Variants in TXNRD1 observed in about 807,000 individuals in gnomAD.
The protein encoded by TXNRD1 is thioredoxin reductase 1, cytoplasmic.
TXNRD1 carries 57 observed loss-of-function variants against 80.3 expected under a neutral mutation model. That is an observed-to-expected ratio of 0.71 (90% CI 0.57 to 0.89). The LOEUF is 0.89. Ranked by LOEUF, TXNRD1 falls within the 40% of genes least tolerant of loss-of-function variation. TXNRD1 has a pLI of 0.00. For synonymous variants in TXNRD1, 291 were observed against 285.2 expected, an observed-to-expected ratio of 1.02 and a Z score of -0.20; for missense variants, 730 against 803.0, an observed-to-expected ratio of 0.91 and a Z score of 1.10.
At chr12:104,346,757 T>G (rs1328639083) in intron 16 of TXNRD1, among the ~76,000 whole-genome samples, 1 of 152,182 alleles carries the variant, frequency 6.6e-6, no homozygotes, top group Non-Finnish European at 1.5e-5. Flanking sequence ...AATTAAAATG[T>G]TGCAAAATTC....
chr12:104,330,284 C>A (rs1319593145), intron 13 of TXNRD1, among the ~76,000 whole-genome samples: 1 of 152,112 alleles, frequency 6.6e-6, no homozygotes, highest in East Asian at 1.9e-4. Context: ...AGGCTTTTAC[C>A]AGATGGCATT....
intron 1 of TXNRD1, among the ~76,000 whole-genome samples, chr12:104,228,611 A>G (rs1236983669): frequency 6.6e-6 from 1 of 152,248 alleles, no homozygotes; most frequent in Non-Finnish European, 1.5e-5. Flanking sequence ...AGCCTGGGCA[A>G]CAAGAGTGAA....
intron 3 of TXNRD1, among the ~76,000 whole-genome samples, chr12:104,266,431 T>C (rs4964741): frequency 0.91 from 137,211 of 151,170 alleles, 62,484 homozygotes; most frequent in African/African-American, 0.98. Flanking sequence ...GAGGCTGAGG[T>C]AGGAGAATCG....
intron 10 of TXNRD1, among the ~76,000 whole-genome samples, chr12:104,322,107 T>G: frequency 6.6e-6 from 1 of 152,042 alleles, no homozygotes; most frequent in Non-Finnish European, 1.5e-5. Flanking sequence ...ATGACCTGAA[T>G]TCAGATAATA....
chr12:104,290,883 G>A (rs935902297), intron 4 of TXNRD1: 1 of 534,734 alleles, frequency 1.9e-6, no homozygotes, highest in Non-Finnish European at 3.3e-6. Context: ...AATGGCAATG[G>A]GAGTAAAAAG....
chr12:104,278,493 C>T (rs1476590416), intron 3 of TXNRD1, among the ~76,000 whole-genome samples: 2 of 131,838 alleles, frequency 1.5e-5, no homozygotes, highest in Non-Finnish European at 3.1e-5. Context: ...GCCATTGCGC[C>T]CAGCCTAATT....
intron 4 of TXNRD1, among the ~76,000 whole-genome samples, chr12:104,306,827 G>A (rs923539954): frequency 1.3e-5 from 2 of 152,126 alleles, no homozygotes; most frequent in African/African-American, 2.4e-5. Flanking sequence ...TACCAACCAA[G>A]TTCCTTGGGT....
intron 3 of TXNRD1, among the ~76,000 whole-genome samples, chr12:104,261,125 C>T (rs12321623): frequency 0.013 from 1,896 of 150,968 alleles, 36 homozygotes; most frequent in African/African-American, 0.044. Flanking sequence ...ACTTTTGTCC[C>T]GGTGGTTCCC....
At chr12:104,277,937 CG>C (rs1314976940) in intron 3 of TXNRD1, among the ~76,000 whole-genome samples, 1 of 147,422 alleles carries the variant, frequency 6.8e-6, no homozygotes, top group Non-Finnish European at 1.5e-5. Context: ...AGTGCAGTGG[CG>C]TGATCTTGGT....
chr12:104,258,122 C>A, intron 3 of TXNRD1, 43 bp downstream of exon 3: 1 of 1,335,300 alleles, frequency 7.5e-7, no homozygotes, highest in Non-Finnish European at 1.0e-6. Flanking sequence ...GCTGACTGTA[C>A]ATTTTATCTC....
intron 1 of TXNRD1, among the ~76,000 whole-genome samples, chr12:104,238,407 T>C (rs556709020): frequency 7.2e-5 from 11 of 152,308 alleles, no homozygotes; most frequent in Non-Finnish European, 1.6e-4. Flanking sequence ...ACTCAGAAAG[T>C]TAAAGCACCC....
At chr12:104,265,764 C>T (rs2033471085) in intron 3 of TXNRD1, 2 of 1,586,942 alleles carry the variant, frequency 1.3e-6, no homozygotes, top group Non-Finnish European at 1.7e-6. Context: ...AGATCAAGTT[C>T]CCGCTGCCCC....
intron 1 of TXNRD1, among the ~76,000 whole-genome samples, chr12:104,246,526 G>T (rs1448227403): frequency 7.5e-6 from 1 of 133,094 alleles, no homozygotes; most frequent in African/African-American, 2.8e-5. Context: ...CTTTGTGATG[G>T]TTTTTTTTTT....
At chr12:104,304,582 G>T in intron 4 of TXNRD1, 1 of 1,613,942 alleles carries the variant, frequency 6.2e-7, no homozygotes, top group Non-Finnish European at 8.5e-7. Flanking sequence ...ATCCAGAAGC[G>T]ACAGAAAAAA....
chr12:104,248,909 G>C (rs865875206), intron 1 of TXNRD1, among the ~76,000 whole-genome samples: 3 of 151,446 alleles, frequency 2.0e-5, no homozygotes, highest in African/African-American at 4.9e-5. Flanking sequence ...AACCTCCCCC[G>C]CCCAGGTTCA....
Position 104,215,964 on chromosome 12 carries a change from A to T in TXNRD1, c.91+71A>T. The T allele has an allele frequency of 1.6e-5, 22 of 1,338,078 alleles. 2 individuals are homozygous for T. The South Asian group carries it at 2.9e-4, about 17-fold the overall frequency. The allele number at this position is 1,338,078 out of a possible 1,614,324, so 82.9% of individuals were successfully genotyped here. On this transcript the variant is annotated intron_variant, in intron 1 of 16. Coordinates refer to ENST00000525566, the MANE Select transcript of TXNRD1 (RefSeq NM_001093771.3). ...GCGGGCCTTCCGGCCGGGGTTGGGG[A>T]TAAAGTGCCCCGGAGCCCTGGCCTT...
chr12:104,308,035 G>A (rs554959149), intron 4 of TXNRD1, among the ~76,000 whole-genome samples: 1 of 149,928 alleles, frequency 6.7e-6, no homozygotes, highest in Admixed American at 6.7e-5. Context: ...TCACTCTGTA[G>A]CCCAGGCTGG....
Position 104,258,087 on chromosome 12 carries a change from T to A in TXNRD1, c.304+8T>A, listed in dbSNP as rs1326530157. 6.5e-7 allele frequency: 1 copy of A among 1,533,958 alleles called. No individual in the cohort carries two copies. The highest frequency in any genetic ancestry group is 1.2e-5 in the South Asian group (1 of 82,844). ...TTGAACTTGATCAAACAGGTAAGTT[T>A]CTGTTTAATATGTAAATCATAGCTG... is the stretch of plus-strand genomic sequence containing the variant. On this transcript the variant is annotated splice_region_variant and intron_variant, in intron 3 of 16. Transcript: ENST00000525566.
At position 104,350,259 on chromosome 12, in the gene TXNRD1, A is replaced by G. The variant is rs2036603010; in HGVS notation, c.*1838A>G. Reference sequence around the variant, plus strand: ...GAAAAAAAACAAAACAATGTGAAACATTAAAATTAAAAGGCATTAATAATA... The same window carrying G: ...GAAAAAAAACAAAACAATGTGAAACGTTAAAATTAAAAGGCATTAATAATA... On this transcript the variant is annotated 3_prime_UTR_variant, in exon 17 of 17. Coordinates refer to ENST00000525566, the MANE Select transcript of TXNRD1 (RefSeq NM_001093771.3). 1.3e-5 allele frequency: 2 copies of G among 152,256 alleles called. No homozygotes were observed. Among genetic ancestry groups the G allele is most frequent in the Admixed American group, 1.3e-4 (2 of 15,288 alleles). 9.4% of individuals were successfully genotyped at this position (152,256 alleles called of 1,614,324 possible).
Sources: gnomAD v4.1 joint callset for allele counts (sites outside exome capture counted in the v4.1 genomes callset) on GRCh38, gnomAD v4.1.1 for gene constraint, MANE v1.5 for transcripts, NCBI Gene and HGNC (gene_info 2026-07-23, HGNC 2026-07-21) for gene names.